The following TMEM184B variants were observed in gnomAD, a reference collection of about 807,000 sequenced individuals.
The protein encoded by TMEM184B is putative MAPK-activating protein FM08.
Under a neutral mutation model 41.8 loss-of-function variants are expected in TMEM184B, and 17 were observed. That is an observed-to-expected ratio of 0.41 (90% CI 0.28 to 0.61). The LOEUF is 0.61. Ranked by LOEUF, TMEM184B falls within the 20% of genes least tolerant of loss-of-function variation. TMEM184B has a pLI of 0.34. For missense variants in TMEM184B, 393 were observed against 557.8 expected, an observed-to-expected ratio of 0.70 and a Z score of 2.98; for synonymous variants, 240 against 229.5, an observed-to-expected ratio of 1.05 and a Z score of -0.41.
Position 38,220,728 on chromosome 22 carries a change from G to C in TMEM184B, c.*741C>G. 1.0e-6 allele frequency: 1 copy of C among 986,402 alleles called. No individual in the cohort carries two copies. The highest frequency in any genetic ancestry group is 1.2e-6 in the Non-Finnish European group (1 of 830,342). The allele number at this position is 986,402 out of a possible 1,614,324, so 61.1% of individuals were successfully genotyped here. On this transcript the variant is annotated 3_prime_UTR_variant, in exon 9 of 9. Transcript: ENST00000361906. ...CCCAAGTGAGCCGGCAGTGCGGGCT[G>C]TGGGCTGTCCTTGGTAGGCCAGGGG...
chr22:38,248,706 G>A (rs537620393), intron 1 of TMEM184B, among the ~76,000 whole-genome samples: 22 of 152,308 alleles, frequency 1.4e-4, no homozygotes, highest in South Asian at 4.1e-4. Flanking sequence ...CCTGGGGACA[G>A]CGGCTCTGTT....
chr22:38,243,089 C>G (rs1168610235), intron 3 of TMEM184B, among the ~76,000 whole-genome samples: 3 of 150,720 alleles, frequency 2.0e-5, no homozygotes, highest in South Asian at 2.1e-4. Flanking sequence ...TCGGGGGCAG[C>G]CTGAACTTCA....
chr22:38,248,921 T>G (rs943455796), intron 1 of TMEM184B, among the ~76,000 whole-genome samples: 1 of 152,230 alleles, frequency 6.6e-6, no homozygotes, highest in Non-Finnish European at 1.5e-5. Context: ...CTGTGCTGTT[T>G]TGGAGACTCT....
chr22:38,238,894 G>A (rs909102672), intron 3 of TMEM184B, among the ~76,000 whole-genome samples: 1 of 152,160 alleles, frequency 6.6e-6, no homozygotes, highest in African/African-American at 2.4e-5. Context: ...TTGTAAATGG[G>A]GATAATATAT....
Position 38,220,388 on chromosome 22 carries a change from G to T in TMEM184B, c.*1081C>A. On this transcript the variant is annotated 3_prime_UTR_variant, in exon 9 of 9. Coordinates refer to ENST00000361906, the MANE Select transcript of TMEM184B (RefSeq NM_012264.5). ...CGCTTTCATATGTGACTAAGGCACA[G>T]AAGAGATGGGCCAGGGGCCAGATGG... 1 of 986,088 alleles carries T rather than the reference G, an allele frequency of 1.0e-6. No homozygotes were observed. Among genetic ancestry groups the T allele is most frequent in the African/African-American group, 1.7e-5 (1 of 57,352 alleles). The allele number at this position is 986,088 out of a possible 1,614,324, so 61.1% of individuals were successfully genotyped here. A position where few individuals can be genotyped will look rare whatever the true frequency, so the allele number is the denominator to read the frequency against.
chr22:38,252,966 C>A (rs945308620), intron 1 of TMEM184B, among the ~76,000 whole-genome samples: 23 of 146,644 alleles, frequency 1.6e-4, no homozygotes, highest in African/African-American at 6.0e-4. Context: ...CATGGTGAAA[C>A]CCCATCTCTA....
chr22:38,225,401 C>A lies in TMEM184B; in HGVS notation c.787+23G>T. On this transcript the variant is annotated intron_variant, in intron 7 of 8. Coordinates refer to ENST00000361906, the MANE Select transcript of TMEM184B (RefSeq NM_012264.5). The surrounding 1 kb of genome is among the most constrained non-coding windows in gnomAD (Gnocchi z 4.4). Reference sequence around the variant, plus strand: ...GAGGACAGGGTGGCATGGGCAGCCTCCAGGTGCTGGGAGGGGGCTCACCTT... The same window carrying A: ...GAGGACAGGGTGGCATGGGCAGCCTACAGGTGCTGGGAGGGGGCTCACCTT... 2 of 1,537,788 alleles carry A rather than the reference C, an allele frequency of 1.3e-6. No individual in the cohort carries two copies. The highest frequency in any genetic ancestry group is 2.5e-5 in the South Asian group (2 of 78,516).
intron 4 of TMEM184B, 73 bp downstream of exon 4, chr22:38,231,171 G>T: frequency 7.7e-7 from 1 of 1,294,250 alleles, no homozygotes; most frequent in Non-Finnish European, 1.1e-6. Flanking sequence ...TCCAGCTGGT[G>T]CCAGGACGGC....
At chr22:38,270,997 C>A (rs546149209) in intron 1 of TMEM184B, among the ~76,000 whole-genome samples, 1 of 152,164 alleles carries the variant, frequency 6.6e-6, no homozygotes, top group Admixed American at 6.6e-5. Context: ...CCTTCTGCCT[C>A]GAAGCTCTTC....
intron 2 of TMEM184B, among the ~76,000 whole-genome samples, chr22:38,247,404 A>G (rs1226167224): frequency 6.6e-6 from 1 of 152,206 alleles, no homozygotes; most frequent in Non-Finnish European, 1.5e-5. Flanking sequence ...TTGAAGCCAG[A>G]GCCACACGTC....
chr22:38,254,518 T>C (rs2092240075), intron 1 of TMEM184B, among the ~76,000 whole-genome samples: 1 of 152,056 alleles, frequency 6.6e-6, no homozygotes, highest in Non-Finnish European at 1.5e-5. Context: ...AACAATCGCT[T>C]GAACCCGGGA....
chr22:38,232,338 T>G (rs2091654181), intron 3 of TMEM184B: 1 of 152,152 alleles, frequency 6.6e-6, no homozygotes, highest in East Asian at 1.9e-4. Flanking sequence ...TAAATGTTGA[T>G]GCTATAAATA....
rs1265555583 is a variant in TMEM184B at position 38,247,872 on chromosome 22, G to A, written c.90C>T (p.Gly30=). The A allele has an allele frequency of 6.2e-7, 1 of 1,612,756 alleles. No individual in the cohort carries two copies. Among genetic ancestry groups the A allele is most frequent in the South Asian group, 1.1e-5 (1 of 90,782 alleles). ...ASPSVSVIPE[G]SPTAMEQPVF... The stretch of plus-strand genomic sequence containing the variant: ...CAGGCTGCTCCATGGCAGTGGGGCT[G>A]CCCTCGGGGATCACGGAGACGCTGG... Residue 30 remains glycine, a synonymous_variant, in exon 2 of 9, where the codon GGC becomes GGT. Coordinates refer to ENST00000361906, the MANE Select transcript of TMEM184B (RefSeq NM_012264.5).
intron 1 of TMEM184B, among the ~76,000 whole-genome samples, chr22:38,271,762 C>T (rs1425194090): frequency 6.6e-6 from 1 of 152,210 alleles, no homozygotes; most frequent in Non-Finnish European, 1.5e-5. Context: ...GGGGCTCTCC[C>T]ACCCCAGCGT....
intron 5 of TMEM184B, among the ~76,000 whole-genome samples, chr22:38,227,668 C>T (rs535996696): frequency 9.9e-5 from 15 of 152,130 alleles, no homozygotes; most frequent in Non-Finnish European, 1.5e-4. Flanking sequence ...ACAGCTTGGG[C>T]AGACACTTGG....
chr22:38,240,393 C>A (rs2091877954), intron 3 of TMEM184B, among the ~76,000 whole-genome samples: 1 of 151,678 alleles, frequency 6.6e-6, no homozygotes, highest in Non-Finnish European at 1.5e-5. Flanking sequence ...ATTAAAAAAA[C>A]AAACAATCAA....
chr22:38,219,054 G>A (rs553771333), downstream of TMEM184B, among the ~76,000 whole-genome samples: 5 of 152,210 alleles, frequency 3.3e-5, no homozygotes, highest in African/African-American at 9.6e-5. Context: ...AAGGAGCATC[G>A]ACCGCCTGCG....
intron 3 of TMEM184B, 136 bp downstream of exon 3, chr22:38,245,799 A>G: frequency 1.1e-6 from 1 of 936,104 alleles, no homozygotes; most frequent in Non-Finnish European, 1.6e-6. Context: ...TTTGGGACAG[A>G]AACCCTGTAG....
At position 38,220,736 on chromosome 22, in the gene TMEM184B, T is replaced by C. The variant is rs1171609516; in HGVS notation, c.*733A>G. On this transcript the variant is annotated 3_prime_UTR_variant, in exon 9 of 9. Coordinates refer to ENST00000361906, the MANE Select transcript of TMEM184B (RefSeq NM_012264.5). Reference sequence around the variant, plus strand: ...AGCCGGCAGTGCGGGCTGTGGGCTGTCCTTGGTAGGCCAGGGGGAAGGGGC... The same window carrying C: ...AGCCGGCAGTGCGGGCTGTGGGCTGCCCTTGGTAGGCCAGGGGGAAGGGGC... 3 of 986,196 alleles carry C rather than the reference T, an allele frequency of 3.0e-6. No individual in the cohort carries two copies. In the East Asian group the frequency reaches 3.4e-4, roughly 112 times the overall value. 61.1% of individuals were successfully genotyped at this position (986,196 alleles called of 1,614,324 possible). A position where few individuals can be genotyped will look rare whatever the true frequency, so the allele number is the denominator to read the frequency against.
Sources: allele counts gnomAD v4.1 joint callset (sites outside exome capture counted in the v4.1 genomes callset), GRCh38; gene constraint gnomAD v4.1.1; non-coding constraint Gnocchi (gnomAD v3.1); transcripts MANE v1.5; gene names NCBI Gene and HGNC (gene_info 2026-07-23, HGNC 2026-07-21).